Variants in TENM1 observed in about 807,000 individuals in gnomAD.
The protein encoded by TENM1 is teneurin transmembrane protein 1, also known as teneurin-1.
Under a neutral mutation model 174.8 loss-of-function variants are expected in TENM1, and 35 were observed. That is an observed-to-expected ratio of 0.20 (90% CI 0.15 to 0.27). The LOEUF (loss-of-function observed/expected upper bound fraction) is 0.27, where lower values mean the gene tolerates loss of function less well. TENM1 is among the 10% of genes least tolerant of loss of function. The pLI, the probability that TENM1 is intolerant of heterozygous loss-of-function variation, is 1.00. For missense variants in TENM1, 1,633 were observed against 2,130.1 expected, an observed-to-expected ratio of 0.77 and a Z score of 4.59; for synonymous variants, 781 against 798.7, an observed-to-expected ratio of 0.98 and a Z score of 0.37.
chrX:124,643,025 A>G (rs2051058435), intron 10 of TENM1, among the ~76,000 whole-genome samples: 1 of 111,511 alleles, frequency 9.0e-6, no homozygotes, highest in Non-Finnish European at 1.9e-5. Flanking sequence ...TATTGCCACT[A>G]TAATTAGCCC....
At chrX:124,488,981 A>G (rs748765828) in intron 20 of TENM1, among the ~76,000 whole-genome samples, 1 of 112,936 alleles carries the variant, frequency 8.9e-6, no homozygotes, top group Non-Finnish European at 1.9e-5. Flanking sequence ...AGCTTCTCTC[A>G]TTAACATCTC....
chrX:124,727,143 G>A (rs2053458784), intron 4 of TENM1, among the ~76,000 whole-genome samples: 1 of 112,133 alleles, frequency 8.9e-6, no homozygotes, highest in South Asian at 3.7e-4. Context: ...AATGAAGATG[G>A]TTACTTGCAC....
At chrX:124,522,430 T>A (rs1386463280) in intron 17 of TENM1, among the ~76,000 whole-genome samples, 1 of 111,601 alleles carries the variant, frequency 9.0e-6, no homozygotes, top group East Asian at 2.8e-4. Context: ...TGTACTATGG[T>A]TGAATAGTTT....
rs143262280 is a variant in TENM1, at chrX:124,482,188, C to T, written c.3717-224G>A. Among the ~76,000 whole-genome samples, 184 of 110,171 alleles carry T rather than the reference C, an allele frequency of 1.7e-3. 1 individual carries two copies. In the East Asian group the frequency reaches 0.031, roughly 19 times the overall value. ...CTAATTCATAATGATGCTGACATTC[C>T]GATACCATCCATTTGGGGATAGAAA... On this transcript the variant is annotated intron_variant, in intron 21 of 31. Coordinates refer to ENST00000422452, the Ensembl canonical transcript of TENM1.
chrX:124,825,157 T>C (rs1361383925), intron 3 of TENM1, among the ~76,000 whole-genome samples: 3 of 100,617 alleles, frequency 3.0e-5, no homozygotes, highest in Admixed American at 1.1e-4. Flanking sequence ...AAGCTGACTT[T>C]CTTTTTTTTT....
chrX:124,396,773 T>C (rs1002895169), intron 27 of TENM1, among the ~76,000 whole-genome samples: 1 of 111,795 alleles, frequency 8.9e-6, no homozygotes, highest in African/African-American at 3.3e-5. Context: ...GTGTGGACCA[T>C]CAATCTTTAT....
At chrX:124,974,876 C>G in the TENM1 span, among the ~76,000 whole-genome samples, 1 of 71,841 alleles carries the variant, frequency 1.4e-5, no homozygotes, top group African/African-American at 5.1e-5. Context: ...ACAAAATTCT[C>G]AGGGACTGAC....
intron 11 of TENM1, among the ~76,000 whole-genome samples, chrX:124,635,735 G>T (rs1488995933): frequency 8.9e-6 from 1 of 112,415 alleles, no homozygotes; most frequent in Non-Finnish European, 1.9e-5. Flanking sequence ...TTTACAAAAG[G>T]AATATAGCAG....
chrX:124,466,329 C>A (rs1243048298), intron 22 of TENM1, among the ~76,000 whole-genome samples: 4 of 112,024 alleles, frequency 3.6e-5, no homozygotes, highest in African/African-American at 1.3e-4. Context: ...GGCAGTGACT[C>A]TGATAAAGGA....
intron 11 of TENM1, among the ~76,000 whole-genome samples, chrX:124,580,079 T>C (rs1358442302): frequency 9.0e-6 from 1 of 111,385 alleles, no homozygotes; most frequent in Non-Finnish European, 1.9e-5. Flanking sequence ...GCATGCTAGG[T>C]GCTAATGTGG....
chrX:124,702,749 G>C (rs1365031538), intron 5 of TENM1, among the ~76,000 whole-genome samples: 1 of 111,423 alleles, frequency 9.0e-6, no homozygotes, highest in Non-Finnish European at 1.9e-5. Flanking sequence ...CTCAAAAGTG[G>C]CCTCTATGTG....
intron 15 of TENM1, among the ~76,000 whole-genome samples, chrX:124,545,238 AG>A (rs75105528): frequency 0.15 from 16,827 of 111,707 alleles, 969 homozygotes; most frequent in East Asian, 0.21. Context: ...CAAAAGAATG[AG>A]GGAAACTCAA....
the TENM1 span, among the ~76,000 whole-genome samples, chrX:124,990,255 G>A: frequency 1.3e-4 from 14 of 110,603 alleles, no homozygotes; most frequent in South Asian, 4.5e-3. Flanking sequence ...CATTCAGTGT[G>A]GCATACTGTA....
At chrX:124,757,139 G>A (rs941089668) in intron 3 of TENM1, among the ~76,000 whole-genome samples, 1 of 112,657 alleles carries the variant, frequency 8.9e-6, no homozygotes, top group African/African-American at 3.2e-5. Context: ...GCTGTGGTTG[G>A]CTCCACCCAG....
the TENM1 span, among the ~76,000 whole-genome samples, chrX:125,011,765 GGAA>G: frequency 9.0e-6 from 1 of 111,598 alleles, no homozygotes; most frequent in African/African-American, 3.3e-5. Context: ...TAACCACCGT[GGAA>G]GACAGCGTGG....
At chrX:124,756,717 C>T (rs1569429105) in intron 3 of TENM1, among the ~76,000 whole-genome samples, 1 of 111,289 alleles carries the variant, frequency 9.0e-6, no homozygotes, top group Non-Finnish European at 1.9e-5. Flanking sequence ...CAGACAGGAC[C>T]CTCAGCTGCA....
At chrX:124,376,102 C>G (rs1188677763) in exon 32 of TENM1, 1 of 112,082 alleles carries the variant, frequency 8.9e-6, no homozygotes, top group Non-Finnish European at 1.9e-5. Flanking sequence ...TGAACCTGTA[C>G]AGTATCCAGT....
At chrX:125,088,687 A>G in the TENM1 span, among the ~76,000 whole-genome samples, 1 of 110,850 alleles carries the variant, frequency 9.0e-6, no homozygotes, top group Non-Finnish European at 1.9e-5. Context: ...ATACAGACAA[A>G]AACAGATAAG....
In TENM1 at chrX:124,543,803, G is replaced by A. The variant is rs886144210; in HGVS notation, c.2651+3071C>T. 7.1e-5 allele frequency among the ~76,000 whole-genome samples: 8 copies of A among 112,269 alleles called. No individual in the cohort carries two copies. In the South Asian group the frequency reaches 1.5e-3, roughly 21 times the overall value. On this transcript the variant is annotated intron_variant, in intron 15 of 31. Transcript: ENST00000422452. Reference sequence around the variant, plus strand: ...GATCTTCACCATGGGCAGGGTGCACGTTCACATTGTTGTTACACCATCACA... The same window carrying A: ...GATCTTCACCATGGGCAGGGTGCACATTCACATTGTTGTTACACCATCACA...
Sources: gnomAD v4.1 joint callset for allele counts (sites outside exome capture counted in the v4.1 genomes callset) on GRCh38, gnomAD v4.1.1 for gene constraint, MANE v1.5 for transcripts, NCBI Gene and HGNC (gene_info 2026-07-23, HGNC 2026-07-21) for gene names.